PTPRN2: variants seen among roughly 807,000 people sequenced by gnomAD.
PTPRN2 encodes protein tyrosine phosphatase receptor type N2, also known as receptor-type tyrosine-protein phosphatase N2.
A neutral mutation model predicts 118.8 loss-of-function variants in PTPRN2; 74 were observed. The observed-to-expected ratio is 0.62, with a 90% CI of 0.52 to 0.76. The LOEUF (loss-of-function observed/expected upper bound fraction) is 0.76. PTPRN2 is among the 30% of genes least tolerant of loss of function. The pLI is 0.00. For synonymous variants in PTPRN2, 641 were observed against 608.0 expected (o/e 1.05, Z -0.80); for missense variants, 1,481 against 1,394.4 (o/e 1.06, Z -0.99).
chr7:157,549,880 G>A (rs1798508005), intron 21 of PTPRN2, among the ~76,000 whole-genome samples: 1 of 152,160 alleles, frequency 6.6e-6, no homozygotes, highest in Admixed American at 6.5e-5. Flanking sequence ...AACCCACATG[G>A]GTGCCAGGCA....
chr7:158,353,982 G>A (rs1308536858), intron 2 of PTPRN2, among the ~76,000 whole-genome samples: 2 of 152,212 alleles, frequency 1.3e-5, no homozygotes, highest in Non-Finnish European at 2.9e-5. Context: ...CTCGGCCAAA[G>A]GAGGCACTCA....
chr7:158,551,150 C>T (rs1331186472), intron 1 of PTPRN2, among the ~76,000 whole-genome samples: 1 of 152,262 alleles, frequency 6.6e-6, no homozygotes, highest in African/African-American at 2.4e-5. Context: ...GGTCCAAGAT[C>T]AGGGTGCTGG....
intron 11 of PTPRN2, among the ~76,000 whole-genome samples, chr7:158,033,347 C>A (rs539449818): frequency 6.6e-6 from 1 of 152,276 alleles, no homozygotes; most frequent in South Asian, 2.1e-4. Flanking sequence ...GTCGTTTTAG[C>A]CATGTTGTGT....
At chr7:158,319,489 C>A (rs1802672314) in intron 2 of PTPRN2, among the ~76,000 whole-genome samples, 1 of 60,402 alleles carries the variant, frequency 1.7e-5, no homozygotes, top group African/African-American at 6.5e-5. Flanking sequence ...CAGCCTCCCT[C>A]ACACTCACAC....
At chr7:158,212,965 T>G (rs1827708581) in intron 3 of PTPRN2, among the ~76,000 whole-genome samples, 1 of 152,196 alleles carries the variant, frequency 6.6e-6, no homozygotes, top group Admixed American at 6.5e-5. Flanking sequence ...GATTATGCAT[T>G]AATTACATGC....
At chr7:158,158,085 G>A (rs6952591) in intron 6 of PTPRN2, among the ~76,000 whole-genome samples, 94,399 of 151,874 alleles carry the variant, frequency 0.62, 30,354 homozygotes, top group East Asian at 0.79. Context: ...GCCAAGAGGC[G>A]TGCTTGGGTT....
intron 12 of PTPRN2, among the ~76,000 whole-genome samples, chr7:157,838,160 AT>A (rs1808109662): frequency 8.3e-6 from 1 of 120,606 alleles, no homozygotes; most frequent in African/African-American, 3.2e-5. Flanking sequence ...CCTCTCCACT[AT>A]GCCTACTCCA....
At chr7:158,147,623 T>G in intron 6 of PTPRN2, among the ~76,000 whole-genome samples, 1 of 85,340 alleles carries the variant, frequency 1.2e-5, no homozygotes, top group East Asian at 3.8e-4. Flanking sequence ...TCACGCCACG[T>G]GTCTTTCCCC....
intron 6 of PTPRN2, among the ~76,000 whole-genome samples, chr7:158,150,632 G>A (rs951790016): frequency 1.3e-5 from 2 of 151,930 alleles, no homozygotes; most frequent in South Asian, 2.1e-4. Context: ...GTCATCTCCT[G>A]CCCCTCTAAT....
intron 11 of PTPRN2, among the ~76,000 whole-genome samples, chr7:157,936,924 C>T (rs1176774280): frequency 6.6e-6 from 1 of 152,350 alleles, no homozygotes; most frequent in Admixed American, 6.5e-5. Flanking sequence ...GGGAATTTTC[C>T]TAAACATAGC....
rs771006210 is a variant in PTPRN2, at chr7:158,075,594, C to T, written c.1723+5704G>A. 4.7e-4 allele frequency among the ~76,000 whole-genome samples: 72 copies of T among 152,308 alleles called. 1 individual carries two copies. Among genetic ancestry groups the T allele is most frequent in the Non-Finnish European group, 7.5e-4 (51 of 68,014 alleles). On this transcript the variant is annotated intron_variant, in intron 11 of 22. Transcript: ENST00000389418. Reference sequence around the variant, plus strand: ...CACCACCGGCCCACGCTTCCCACGCCGCGCCCTCCACTTCTTCATCTTTTT... The same window carrying T: ...CACCACCGGCCCACGCTTCCCACGCTGCGCCCTCCACTTCTTCATCTTTTT...
At chr7:158,561,111 T>C (rs1457729386) in intron 1 of PTPRN2, among the ~76,000 whole-genome samples, 1 of 152,234 alleles carries the variant, frequency 6.6e-6, no homozygotes, top group African/African-American at 2.4e-5. Context: ...TCTTGATGAA[T>C]ACTTGATCAA....
At position 157,603,840 on chromosome 7, in the gene PTPRN2, A is replaced by C. The variant is rs1190723799; in HGVS notation, c.2418+162T>G. The stretch of plus-strand genomic sequence containing the variant: ...TAAACAGCCCCGCTGGTGAAGGAAC[A>C]GGGGAGTGGCGGGAGCCCAATGGGC... On this transcript the variant is annotated intron_variant, in intron 16 of 22. Transcript: ENST00000389418. The surrounding 1 kb of genome is among the most constrained non-coding windows in gnomAD (Gnocchi z 5.4). Among the ~76,000 whole-genome samples the C allele has an allele frequency of 6.6e-6, 1 of 152,144 alleles. No individual in the cohort carries two copies. The highest frequency in any genetic ancestry group is 1.9e-4 in the East Asian group (1 of 5,184).
At chr7:157,976,191 T>G (rs1363612165) in intron 11 of PTPRN2, among the ~76,000 whole-genome samples, 5 of 152,228 alleles carry the variant, frequency 3.3e-5, no homozygotes, top group Non-Finnish European at 1.5e-5. Context: ...CATCGCGTTA[T>G]CAGCAAACGA....
rs753063084 is a variant in PTPRN2 at position 157,903,973 on chromosome 7, G to A, written c.1724-5236C>T. Among the ~76,000 whole-genome samples, 2 of 152,284 alleles carry A rather than the reference G, an allele frequency of 1.3e-5. No individual in the cohort carries two copies. The highest frequency in any genetic ancestry group is 2.9e-5 in the Non-Finnish European group (2 of 68,026). ...CTAATCCATGTGCCCTCGTGACAGC[G>A]GCTGTTTTGCTGCATGTCTCATGGC... On this transcript the variant is annotated intron_variant, in intron 11 of 22. Transcript: ENST00000389418. The surrounding 1 kb of genome is among the most constrained non-coding windows in gnomAD (Gnocchi z 4.2).
Position 158,268,713 on chromosome 7 carries a change from C to T in PTPRN2, c.277+48106G>A, listed in dbSNP as rs535143555. 8.2e-5 allele frequency among the ~76,000 whole-genome samples: 10 copies of T among 121,540 alleles called. No individual in the cohort carries two copies. The South Asian group carries it at 1.1e-3, about 13-fold the overall frequency. The allele number at this position is 121,540 out of a possible 152,430, so 79.7% of individuals were successfully genotyped here. A position where few individuals can be genotyped will look rare whatever the true frequency, so the allele number is the denominator to read the frequency against. On this transcript the variant is annotated intron_variant, in intron 3 of 22. Coordinates refer to ENST00000389418, the MANE Select transcript of PTPRN2 (RefSeq NM_002847.5). ...AGGGTGTGAAATATCCCAGCCCAGC[C>T]GCACACAGAGAGGGTGTGAAATATC...
At chr7:158,431,256 C>G (rs1816150592) in intron 2 of PTPRN2, among the ~76,000 whole-genome samples, 1 of 149,134 alleles carries the variant, frequency 6.7e-6, no homozygotes, top group South Asian at 2.2e-4. Flanking sequence ...CTGGCTCACA[C>G]TGGGCTCACT....
intron 1 of PTPRN2, among the ~76,000 whole-genome samples, chr7:158,494,706 A>G (rs996422964): frequency 2.0e-5 from 3 of 152,134 alleles, no homozygotes; most frequent in Admixed American, 2.0e-4. Flanking sequence ...GCACCAACAC[A>G]CACAGCAACG....
At chr7:158,370,359 C>T (rs1029392085) in intron 2 of PTPRN2, among the ~76,000 whole-genome samples, 1 of 152,144 alleles carries the variant, frequency 6.6e-6, no homozygotes, top group African/African-American at 2.4e-5. Context: ...TTGCTTGAAC[C>T]TGGGAGGCAG....
Sources: allele counts gnomAD v4.1 joint callset (sites outside exome capture counted in the v4.1 genomes callset), GRCh38; gene constraint gnomAD v4.1.1; non-coding constraint Gnocchi (gnomAD v3.1); transcripts MANE v1.5; gene names NCBI Gene and HGNC (gene_info 2026-07-23, HGNC 2026-07-21).